The following BMPER variants were observed in gnomAD, a reference collection of about 807,000 sequenced individuals.
BMPER encodes BMP binding endothelial regulator.
BMPER carries 45 observed loss-of-function variants against 87.3 expected under a neutral mutation model. The observed-to-expected ratio is 0.52, with a 90% CI of 0.41 to 0.66. BMPER has a LOEUF of 0.66. Among genes scored for constraint, BMPER ranks in the 30% least tolerant of loss-of-function variants. BMPER has a pLI of 0.00. For synonymous variants in BMPER, 326 were observed against 316.2 expected (o/e 1.03, Z -0.33); for missense variants, 784 against 867.5 (o/e 0.90, Z 1.21).
chr7:34,002,966 G>T (rs1467476914), intron 6 of BMPER, among the ~76,000 whole-genome samples: 1 of 151,370 alleles, frequency 6.6e-6, no homozygotes, highest in Non-Finnish European at 1.5e-5. Flanking sequence ...AATCAATTCT[G>T]CCAGTCTCTG....
intron 9 of BMPER, among the ~76,000 whole-genome samples, chr7:34,055,990 C>T (rs183814494): frequency 3.3e-5 from 5 of 152,276 alleles, no homozygotes; most frequent in Admixed American, 6.5e-5. Context: ...CACTCTCTAC[C>T]GAAGCTGTCA....
chr7:33,911,004 C>A (rs927414871), intron 2 of BMPER, among the ~76,000 whole-genome samples: 1 of 152,118 alleles, frequency 6.6e-6, no homozygotes, highest in Admixed American at 6.5e-5. Context: ...ACGTGTGAAA[C>A]AGAGAGAGAG....
intron 14 of BMPER, among the ~76,000 whole-genome samples, chr7:34,144,294 G>T (rs1465608775): frequency 2.6e-5 from 4 of 151,814 alleles, no homozygotes; most frequent in South Asian, 2.1e-4. Context: ...GGGAAGAGGG[G>T]CGCAAGAGGA....
At chr7:33,909,954 A>G (rs1783918268) in intron 2 of BMPER, among the ~76,000 whole-genome samples, 1 of 152,178 alleles carries the variant, frequency 6.6e-6, no homozygotes, top group Admixed American at 6.5e-5. Context: ...TTTTATTCTC[A>G]TTTATCATCC....
At chr7:33,980,182 C>A (rs1040266081) in intron 6 of BMPER, among the ~76,000 whole-genome samples, 2 of 152,178 alleles carry the variant, frequency 1.3e-5, no homozygotes, top group Non-Finnish European at 2.9e-5. Flanking sequence ...TCCCTGTTTA[C>A]CCATTGTAGA....
rs536916580 is a variant in BMPER, at chr7:33,917,667, G to C, written c.219+10764G>C. 2.6e-3 allele frequency among the ~76,000 whole-genome samples: 389 copies of C among 152,276 alleles called. 1 individual carries two copies. The highest frequency in any genetic ancestry group is 4.2e-3 in the Non-Finnish European group (283 of 68,016). ...TACCCAGAGTCACTTCAAAGAGAAG[G>C]ATAGAATACAAATAAGGAAGATAAT... On this transcript the variant is annotated intron_variant, in intron 2 of 14. Transcript: ENST00000649409.
At chr7:34,091,107 A>G (rs934032407) in intron 13 of BMPER, among the ~76,000 whole-genome samples, 2 of 152,172 alleles carry the variant, frequency 1.3e-5, no homozygotes, top group Non-Finnish European at 2.9e-5. Flanking sequence ...ATATACTGGG[A>G]TCCTGGGACT....
chr7:33,927,717 T>C (rs370456351), intron 2 of BMPER, among the ~76,000 whole-genome samples: 46 of 152,218 alleles, frequency 3.0e-4, no homozygotes, highest in South Asian at 2.5e-3. Flanking sequence ...CCTACCAACC[T>C]GGCCAGAAGA....
intron 6 of BMPER, among the ~76,000 whole-genome samples, chr7:33,981,510 A>G (rs114932256): frequency 8.7e-4 from 133 of 152,246 alleles, no homozygotes; most frequent in Middle Eastern, 6.8e-3. Context: ...TTACGCTCCA[A>G]ACATCTAAAA....
intron 6 of BMPER, among the ~76,000 whole-genome samples, chr7:34,002,491 T>TTA (rs1297354998): frequency 6.6e-6 from 1 of 151,806 alleles, no homozygotes; most frequent in Non-Finnish European, 1.5e-5. Flanking sequence ...CTTTAGTGGG[T>TTA]TATAATCCCA....
intron 6 of BMPER, among the ~76,000 whole-genome samples, chr7:34,011,614 A>AG (rs796860571): frequency 6.6e-5 from 10 of 150,692 alleles, no homozygotes; most frequent in African/African-American, 2.2e-4. Flanking sequence ...AGAAAAAAAA[A>AG]GAAAGAAAAA....
chr7:34,143,383 A>C (rs541337873), intron 14 of BMPER, 23 bp downstream of exon 14: 1 of 1,613,392 alleles, frequency 6.2e-7, no homozygotes, highest in East Asian at 2.2e-5. Flanking sequence ...TGCTGGATCT[A>C]CCCATCAAAA....
chr7:34,094,000 C>G (rs762361629), intron 13 of BMPER, among the ~76,000 whole-genome samples: 1 of 152,168 alleles, frequency 6.6e-6, no homozygotes, highest in Non-Finnish European at 1.5e-5. Flanking sequence ...GGGGAAGGGA[C>G]TCATTCCAGG....
intron 11 of BMPER, among the ~76,000 whole-genome samples, chr7:34,073,479 T>C (rs1165680884): frequency 3.3e-5 from 5 of 152,234 alleles, no homozygotes; most frequent in African/African-American, 9.6e-5. Context: ...TATAATCTTA[T>C]GGGACCACTG....
intron 13 of BMPER, among the ~76,000 whole-genome samples, chr7:34,089,617 G>C (rs1387582475): frequency 5.9e-5 from 9 of 151,994 alleles, no homozygotes; most frequent in African/African-American, 1.9e-4. Flanking sequence ...TCAAGTAGCT[G>C]GGATTATAGG....
At chr7:34,036,321 A>G (rs1205956104) in intron 6 of BMPER, among the ~76,000 whole-genome samples, 1 of 152,190 alleles carries the variant, frequency 6.6e-6, no homozygotes, top group Non-Finnish European at 1.5e-5. Flanking sequence ...TCTGGGCAGC[A>G]GTTGAGAAAC....
chr7:33,968,779 C>A (rs1318368932), intron 4 of BMPER, among the ~76,000 whole-genome samples: 1 of 152,128 alleles, frequency 6.6e-6, no homozygotes, highest in Non-Finnish European at 1.5e-5. Context: ...TATCTTCCTA[C>A]CAAGGGAGCT....
At chr7:34,128,183 GC>G (rs1255003535) in intron 13 of BMPER, among the ~76,000 whole-genome samples, 1 of 152,066 alleles carries the variant, frequency 6.6e-6, no homozygotes, top group Non-Finnish European at 1.5e-5. Context: ...TTTCTAAAAA[GC>G]CTTTTTTTCC....
intron 2 of BMPER, among the ~76,000 whole-genome samples, chr7:33,932,284 AC>A (rs1784501165): frequency 6.6e-6 from 1 of 151,932 alleles, no homozygotes; most frequent in East Asian, 1.9e-4. Flanking sequence ...ATAACAGGGC[AC>A]CCCGCCACTT....
Sources: allele counts gnomAD v4.1 joint callset (sites outside exome capture counted in the v4.1 genomes callset), GRCh38; gene constraint gnomAD v4.1.1; transcripts MANE v1.5; gene names NCBI Gene and HGNC (gene_info 2026-07-23, HGNC 2026-07-21).